The following FRAS1 variants were observed in gnomAD, a reference collection of about 807,000 sequenced individuals.
FRAS1 encodes the protein extracellular matrix organizing protein FRAS1.
FRAS1 carries 290 observed loss-of-function variants against 435.2 expected under a neutral mutation model. The ratio of observed to expected loss-of-function variants is 0.67; its 90% confidence interval spans 0.61 to 0.73. The LOEUF (loss-of-function observed/expected upper bound fraction) is 0.73, where lower values mean the gene tolerates loss of function less well. FRAS1 is among the 30% of genes least tolerant of loss of function. The pLI, the probability that FRAS1 is intolerant of heterozygous loss-of-function variation, is 0.00. For missense variants in FRAS1, 4,860 were observed against 5,001.5 expected (o/e 0.97, Z 0.85); for synonymous variants, 1,800 against 1,851.0 (o/e 0.97, Z 0.71).
At chr4:78,283,071 T>C (rs1727411671) in intron 12 of FRAS1, 104 bp downstream of exon 12, 1 of 845,062 alleles carries the variant, frequency 1.2e-6, no homozygotes, top group Non-Finnish European at 1.7e-6. Flanking sequence ...TATTTTTAGT[T>C]AACCAATGGG....
Position 78,464,102 on chromosome 4 carries a change from A to G in FRAS1, c.6845A>G (p.His2282Arg), listed in dbSNP as rs764250044. The change falls in exon 48 of 74, where the codon CAT becomes CGT. Residue 2282 changes from histidine to arginine, a missense_variant. By Grantham distance (29) the His-to-Arg change is conservative. Coordinates refer to ENST00000512123, the MANE Select transcript of FRAS1 (RefSeq NM_025074.7). ...QYVHSSEAEK[H>R]SDAFSFTLSD... The stretch of plus-strand genomic sequence containing the variant: ...GTCCATTCTAGTGAGGCTGAGAAAC[A>G]TTCAGATGCCTTCAGCTTTACACTG... 1 of 1,613,724 alleles carries G rather than the reference A, an allele frequency of 6.2e-7. No homozygotes were observed. Among genetic ancestry groups the G allele is most frequent in the Non-Finnish European group, 8.5e-7 (1 of 1,179,832 alleles).
intron 47 of FRAS1, 70 bp from the exon 48 acceptor site, chr4:78,463,951 T>C (rs1010359874): frequency 5.5e-5 from 85 of 1,544,796 alleles, no homozygotes; most frequent in Non-Finnish European, 7.6e-5. Context: ...AGTATGACAC[T>C]TCCCTAGCCT....
chr4:78,068,802 C>CT (rs1451448082), intron 2 of FRAS1: 4 of 346,776 alleles, frequency 1.2e-5, no homozygotes, highest in South Asian at 9.1e-5. Context: ...TTTGTAACCA[C>CT]TTTAAGTTCT....
chr4:78,515,304 T>A (rs1284835794), intron 65 of FRAS1, among the ~76,000 whole-genome samples: 1 of 146,990 alleles, frequency 6.8e-6, no homozygotes, highest in Non-Finnish European at 1.5e-5. Context: ...CAAGAAGTAG[T>A]CAAATGTAGG....
At chr4:78,154,102 A>G (rs563428647) in intron 2 of FRAS1, among the ~76,000 whole-genome samples, 5 of 151,986 alleles carry the variant, frequency 3.3e-5, no homozygotes, top group African/African-American at 9.6e-5. Flanking sequence ...TGTAATTTAT[A>G]GTTTTTTTTT....
chr4:78,454,218 A>G (rs2645144), intron 47 of FRAS1, among the ~76,000 whole-genome samples: 111,105 of 151,652 alleles, frequency 0.73, 41,058 homozygotes, highest in African/African-American at 0.77. Context: ...ATCAGCAAAC[A>G]TCAACATCCT....
intron 2 of FRAS1, among the ~76,000 whole-genome samples, chr4:78,183,732 T>TG (rs1553927606): frequency 7.3e-6 from 1 of 136,940 alleles, no homozygotes; most frequent in Non-Finnish European, 1.6e-5. Flanking sequence ...TTCATTCTCT[T>TG]TGTGTGTGTG....
intron 14 of FRAS1, among the ~76,000 whole-genome samples, 158 bp downstream of exon 14, chr4:78,286,697 G>A (rs747885989): frequency 1.6e-4 from 24 of 152,192 alleles, no homozygotes; most frequent in Non-Finnish European, 3.1e-4. Flanking sequence ...AGAACAGTGT[G>A]TTAGAGAAAT....
rs114757691 is a variant in FRAS1, at chr4:78,400,714, G to A, written c.3976-20G>A. 4,486 of 1,607,528 alleles carry A rather than the reference G, an allele frequency of 2.8e-3. 36 individuals carry two copies. Among genetic ancestry groups the A allele is most frequent in the African/African-American group, 0.027 (2,015 of 74,498 alleles). On this transcript the variant is annotated intron_variant, in intron 29 of 73. Transcript: ENST00000512123. The stretch of plus-strand genomic sequence containing the variant: ...TCTTACTTTGCTTGGAACTAATTCT[G>A]CATTTTATTTTTATTTCAGAATGAC...
At position 78,469,986 on chromosome 4, in the gene FRAS1, A is replaced by C; in HGVS notation, c.7266A>C (p.Thr2422=). The part of the protein sequence containing the change: ...IIEEGGKEIM[T]AAPQPFRVDI... ...TCTGCCCTCCCCTTCAGATTATGAC[A>C]GCAGCACCTCAGCCGTTCCGAGTAG... Residue 2422 remains threonine, a synonymous_variant, in exon 51 of 74, where the codon ACA becomes ACC. Coordinates refer to ENST00000512123, the MANE Select transcript of FRAS1 (RefSeq NM_025074.7). 1.2e-6 allele frequency: 2 copies of C among 1,613,004 alleles called. No homozygotes were observed. The highest frequency in any genetic ancestry group is 1.7e-6 in the Non-Finnish European group (2 of 1,179,230).
At chr4:78,536,901 C>G (rs1015741650) in intron 71 of FRAS1, 94 bp from the exon 72 acceptor site, 17 of 960,224 alleles carry the variant, frequency 1.8e-5, no homozygotes, top group Non-Finnish European at 2.4e-5. Context: ...GCTTTTCACT[C>G]TTAAGGGAGC....
intron 2 of FRAS1, among the ~76,000 whole-genome samples, chr4:78,095,743 A>G (rs1741771204): frequency 6.6e-6 from 1 of 152,244 alleles, no homozygotes. Flanking sequence ...TATCACAAGA[A>G]CAGCACAGGA....
chr4:78,419,097 A>G (rs780352364), intron 33 of FRAS1, 34 bp downstream of exon 33: 1 of 1,211,508 alleles, frequency 8.3e-7, no homozygotes, highest in Non-Finnish European at 1.2e-6. Flanking sequence ...TTTGAGTGAT[A>G]TTATTATCTT....
At chr4:78,468,662 C>T (rs761214508) in intron 50 of FRAS1, among the ~76,000 whole-genome samples, 5 of 152,260 alleles carry the variant, frequency 3.3e-5, no homozygotes, top group East Asian at 1.9e-4. Context: ...ATTCCCTTGC[C>T]GCCATTTTTA....
chr4:78,304,948 G>C (rs1314451820), intron 14 of FRAS1, among the ~76,000 whole-genome samples: 2 of 152,112 alleles, frequency 1.3e-5, no homozygotes, highest in Non-Finnish European at 2.9e-5. Flanking sequence ...TTTTAATTGT[G>C]ATGTCAGGGT....
At chr4:78,275,227 C>A (rs993057127) in intron 9 of FRAS1, among the ~76,000 whole-genome samples, 1 of 152,134 alleles carries the variant, frequency 6.6e-6, no homozygotes, top group Non-Finnish European at 1.5e-5. Context: ...TGAGATGGGT[C>A]TCCTGAATAC....
At chr4:78,099,484 C>T (rs28437781) in intron 2 of FRAS1, among the ~76,000 whole-genome samples, 5,421 of 152,132 alleles carry the variant, frequency 0.036, 172 homozygotes, top group Middle Eastern at 0.078. Context: ...GAAAGGGGCA[C>T]GTAAAATAGG....
intron 2 of FRAS1, among the ~76,000 whole-genome samples, chr4:78,233,168 AGTAAGAAT>A (rs755509568): frequency 3.0e-4 from 46 of 152,236 alleles, no homozygotes; most frequent in Admixed American, 2.9e-3. Context: ...CACCTCAAGA[AGTAAGAAT>A]GTTGCATCTG....
chr4:78,483,680 C>T (rs531290724), intron 58 of FRAS1, among the ~76,000 whole-genome samples: 1 of 150,306 alleles, frequency 6.7e-6, no homozygotes, highest in East Asian at 2.0e-4. Flanking sequence ...TCTTTCTACC[C>T]CTATCTCCCA....
Sources: gnomAD v4.1 joint callset for allele counts (sites outside exome capture counted in the v4.1 genomes callset) on GRCh38, gnomAD v4.1.1 for gene constraint, MANE v1.5 for transcripts, NCBI Gene and HGNC (gene_info 2026-07-23, HGNC 2026-07-21) for gene names.